PLAG1: variants seen among roughly 807,000 people sequenced by gnomAD.
PLAG1 encodes the protein zinc finger protein PLAG1.
A neutral mutation model predicts 35.5 loss-of-function variants in PLAG1; 7 were observed. The ratio of observed to expected loss-of-function variants is 0.20; its 90% CI spans 0.11 to 0.37. The LOEUF (loss-of-function observed/expected upper bound fraction) is 0.37, where lower values mean the gene tolerates loss of function less well. PLAG1 is among the 10% of genes least tolerant of loss of function. The pLI is 1.00. For synonymous variants in PLAG1, 229 were observed against 225.4 expected (o/e 1.02, Z -0.14); for missense variants, 454 against 602.8 (o/e 0.75, Z 2.58).
chr8:56,181,459 C>T (rs768353336), intron 1 of PLAG1, among the ~76,000 whole-genome samples: 3 of 152,066 alleles, frequency 2.0e-5, no homozygotes, highest in African/African-American at 4.8e-5. Context: ...CAGCAAACTA[C>T]CACAAGAACG....
rs1304456565 is a variant in PLAG1, at chr8:56,167,051, A to G, written c.695T>C (p.Met232Thr). ...AAGCTCTTGATTGTGACTCTTCTTC[A>G]TATGTCGAGTCAGGTGATCCTTTCG... Reference protein sequence around the residue: ...FGRKDHLTRHMKKSHNQELLK... With the variant: ...FGRKDHLTRHTKKSHNQELLK... The change falls in exon 5 of 5, where the codon ATG (methionine) becomes ACG (threonine). Residue 232 changes from methionine (M) to threonine (T), a missense_variant. By Grantham distance (81) the Met-to-Thr change is moderately conservative (BLOSUM62 -1). This residue lies in a region of PLAG1 where 271 missense variants were observed against 315.6 expected (regional missense o/e 0.86). Coordinates refer to ENST00000316981, the MANE Select transcript of PLAG1 (RefSeq NM_002655.3). This position sits in a 1 kb window ranked among gnomAD's most constrained non-coding sequence, Gnocchi z 5.9. 2 of 1,613,808 alleles carry G rather than the reference A, an allele frequency of 1.2e-6. No individual in the cohort carries two copies. Among genetic ancestry groups the G allele is most frequent in the Admixed American group, 1.7e-5 (1 of 59,984 alleles).
chr8:56,182,868 G>A (rs1461977180), intron 1 of PLAG1, among the ~76,000 whole-genome samples: 2 of 152,116 alleles, frequency 1.3e-5, no homozygotes. Context: ...AAGATGGAGA[G>A]GCTTTTGCCC....
chr8:56,180,177 T>C (rs12676829), intron 1 of PLAG1, among the ~76,000 whole-genome samples: 138,459 of 152,280 alleles, frequency 0.91, 63,193 homozygotes, highest in East Asian at 1. Flanking sequence ...TTATGAAGAC[T>C]GATCTCTAGG....
intron 1 of PLAG1, among the ~76,000 whole-genome samples, chr8:56,196,854 G>C (rs1423181921): frequency 6.6e-6 from 1 of 151,894 alleles, no homozygotes; most frequent in Non-Finnish European, 1.5e-5. Context: ...ATGCGTGGGG[G>C]TGTGCATGTG....
intron 1 of PLAG1, 24 bp from the exon 2 acceptor site, chr8:56,179,537 T>A (rs1235369092): frequency 8.4e-6 from 6 of 716,952 alleles, no homozygotes; most frequent in Non-Finnish European, 1.0e-5. Flanking sequence ...AAGAGTTAGT[T>A]TTAAATTCCA....
intron 1 of PLAG1, among the ~76,000 whole-genome samples, chr8:56,198,033 T>C (rs1260746354): frequency 6.6e-6 from 1 of 152,158 alleles, no homozygotes; most frequent in African/African-American, 2.4e-5. Context: ...GGAACTCATG[T>C]CGTCCCAGAC....
At position 56,166,872 on chromosome 8, in the gene PLAG1, T is replaced by C; in HGVS notation, c.874A>G (p.Asn292Asp). ...FTNTLQLNLY[N>D]TPFQSMQSSG... ...CTCTGCATGGACTGAAATGGAGTGT[T>C]GTAGAGGTTTAACTGCAAAGTGTTT... is the stretch of plus-strand genomic sequence containing the variant. Residue 292 changes from asparagine to aspartate, a missense_variant, in exon 5 of 5, where the codon AAC becomes GAC. Coordinates refer to ENST00000316981, the MANE Select transcript of PLAG1 (RefSeq NM_002655.3). 6.2e-7 allele frequency: 1 copy of C among 1,614,084 alleles called. No individual in the cohort carries two copies. Among genetic ancestry groups the C allele is most frequent in the Non-Finnish European group, 8.5e-7 (1 of 1,180,002 alleles).
chr8:56,180,378 T>C (rs916120831), intron 1 of PLAG1, among the ~76,000 whole-genome samples: 10 of 152,242 alleles, frequency 6.6e-5, no homozygotes, highest in African/African-American at 2.2e-4. Context: ...ACTGTGGGTA[T>C]AGACTGACAT....
rs531661729 is a variant in PLAG1 at position 56,178,108 on chromosome 8, T to C, written c.-217+1301A>G. Reference sequence around the variant, plus strand: ...TTGATCATGATTTATCATTTAGAAATAGCCAGTGAAGTTCTATGGGAAGGA... The same window carrying C: ...TTGATCATGATTTATCATTTAGAAACAGCCAGTGAAGTTCTATGGGAAGGA... On this transcript the variant is annotated intron_variant, in intron 2 of 4. Transcript: ENST00000316981. 9.5e-6 allele frequency: 5 copies of C among 528,246 alleles called. 1 individual carries two copies. Among genetic ancestry groups the C allele is most frequent in the Middle Eastern group, 1.9e-3 (2 of 1,070 alleles). The allele number at this position is 528,246 out of a possible 1,614,324, so 32.7% of individuals were successfully genotyped here. A position where few individuals can be genotyped will look rare whatever the true frequency, so the allele number is the denominator to read the frequency against.
At position 56,179,601 on chromosome 8, in the gene PLAG1, T is replaced by C. The variant is rs931657752; in HGVS notation, c.-321-88A>G. 2 of 159,618 alleles carry C rather than the reference T, an allele frequency of 1.3e-5. 1 individual carries two copies. The highest frequency in any genetic ancestry group is 4.0e-4 in the South Asian group (2 of 4,980). 9.9% of individuals were successfully genotyped at this position (159,618 alleles called of 1,614,324 possible). ...ATGAACCAAACTGCTTTTAATTCAT[T>C]ATCATTTATTCACATTCTTTGCACT... On this transcript the variant is annotated intron_variant, in intron 1 of 4. Transcript: ENST00000316981.
intron 1 of PLAG1, among the ~76,000 whole-genome samples, chr8:56,188,860 C>T (rs532470423): frequency 2.0e-4 from 31 of 152,294 alleles, no homozygotes; most frequent in African/African-American, 7.5e-4. Flanking sequence ...GGTGCCTTTG[C>T]TTGTTGAAAT....
intron 1 of PLAG1, among the ~76,000 whole-genome samples, chr8:56,184,182 TG>T (rs1811950871): frequency 1.3e-5 from 2 of 152,260 alleles, no homozygotes; most frequent in South Asian, 4.1e-4. Flanking sequence ...GCAAAAGATC[TG>T]ATCAGACATT....
chr8:56,200,123 T>C (rs1812508213), intron 1 of PLAG1, among the ~76,000 whole-genome samples: 1 of 152,164 alleles, frequency 6.6e-6, no homozygotes, highest in African/African-American at 2.4e-5. Flanking sequence ...GTGCTGCATA[T>C]GCGGGCCCAA....
In PLAG1 at chr8:56,166,461, C is replaced by T. The variant is rs1368260569; in HGVS notation, c.1285G>A (p.Gly429Ser). ...SQLFNFIPLN[G>S]PPYNPLSVGS... ...ACTGATAGAGGATTATAGGGAGGAC[C>T]ATTTAAAGGTATGAAATTAAACAAC... is the stretch of plus-strand genomic sequence containing the variant. The change falls in exon 5 of 5, where the codon GGT becomes AGT. Residue 429 changes from glycine (G) to serine (S), a missense_variant. Around this residue, in one of 4 missense-constraint regions of PLAG1, gnomAD observed 271 missense variants for 315.6 expected, o/e 0.86. Transcript: ENST00000316981. The T allele has an allele frequency of 1.2e-6, 2 of 1,613,276 alleles. No homozygotes were observed. Among genetic ancestry groups the T allele is most frequent in the Non-Finnish European group, 1.7e-6 (2 of 1,179,496 alleles).
intron 2 of PLAG1, among the ~76,000 whole-genome samples, chr8:56,179,023 C>CAAAAAAAAA (rs1173709224): frequency 3.3e-4 from 14 of 42,922 alleles, no homozygotes; most frequent in Admixed American, 5.9e-4. Flanking sequence ...GCCCAGGAGA[C>CAAAAAAAAA]AAAAAAAAAA....
At chr8:56,194,594 T>TGA (rs1157894917) in intron 1 of PLAG1, among the ~76,000 whole-genome samples, 1 of 151,406 alleles carries the variant, frequency 6.6e-6, no homozygotes, top group Admixed American at 6.6e-5. Context: ...TGTGTGTGTG[T>TGA]GAATGTATGT....
At chr8:56,204,463 T>C (rs1812643596) in intron 1 of PLAG1, among the ~76,000 whole-genome samples, 1 of 151,908 alleles carries the variant, frequency 6.6e-6, no homozygotes, top group Admixed American at 6.6e-5. Flanking sequence ...TATTTACTAA[T>C]GTATCTTCAA....
At chr8:56,192,203 G>C (rs1446548265) in intron 1 of PLAG1, among the ~76,000 whole-genome samples, 1 of 152,206 alleles carries the variant, frequency 6.6e-6, no homozygotes, top group Non-Finnish European at 1.5e-5. Context: ...GTCTTCCCTG[G>C]AGGTCAAAGC....
chr8:56,189,407 C>G (rs531599771), intron 1 of PLAG1, among the ~76,000 whole-genome samples: 2 of 152,232 alleles, frequency 1.3e-5, no homozygotes, highest in Admixed American at 1.3e-4. Flanking sequence ...TCGTCTTCCC[C>G]AACAGACCAG....
Sources: gnomAD v4.1 joint callset for allele counts (sites outside exome capture counted in the v4.1 genomes callset) on GRCh38, gnomAD v4.1.1 for gene constraint, gnomAD v4.1.1 regional missense constraint, Gnocchi (gnomAD v3.1) non-coding constraint, MANE v1.5 for transcripts, NCBI Gene and HGNC (gene_info 2026-07-23, HGNC 2026-07-21) for gene names.